NEDD4: variants seen among roughly 807,000 people sequenced by gnomAD.
The protein encoded by NEDD4 is E3 ubiquitin-protein ligase NEDD4.
Under a neutral mutation model 144.9 loss-of-function variants are expected in NEDD4, and 99 were observed. The observed-to-expected ratio is 0.68, with a 90% confidence interval of 0.58 to 0.81. The LOEUF is 0.81. Ranked by LOEUF, NEDD4 falls within the 30% of genes least tolerant of loss-of-function variation. The pLI, the probability that NEDD4 is intolerant of heterozygous loss-of-function variation, is 0.00. For missense variants in NEDD4, 985 were observed against 1,065.9 expected (o/e 0.92, Z 1.06); for synonymous variants, 318 against 350.6 (o/e 0.91, Z 1.04).
At chr15:55,915,860 A>G (rs2036422902) in intron 5 of NEDD4, 1 of 1,613,838 alleles carries the variant, frequency 6.2e-7, no homozygotes, top group African/African-American at 1.3e-5. Flanking sequence ...ACCGAAGTCC[A>G]TTGACAGCTG....
At chr15:55,916,592 A>G in intron 5 of NEDD4, 2 of 1,614,064 alleles carry the variant, frequency 1.2e-6, no homozygotes, top group Non-Finnish European at 1.7e-6. Context: ...TCTTTTTATT[A>G]ACATTTTCAG....
intron 1 of NEDD4, among the ~76,000 whole-genome samples, chr15:55,988,397 C>T (rs71476766): frequency 0.068 from 8,275 of 122,420 alleles, 415 homozygotes; most frequent in Non-Finnish European, 0.097. Context: ...GTGGGTGCAG[C>T]ACACCAGCAT....
At chr15:55,939,989 A>G (rs538955282) in intron 4 of NEDD4, among the ~76,000 whole-genome samples, 1 of 152,342 alleles carries the variant, frequency 6.6e-6, no homozygotes, top group East Asian at 1.9e-4. Context: ...GGATACATTA[A>G]GAAAATGTGA....
intron 5 of NEDD4, among the ~76,000 whole-genome samples, chr15:55,898,791 A>G (rs2035820982): frequency 6.6e-6 from 1 of 151,540 alleles, no homozygotes; most frequent in Non-Finnish European, 1.5e-5. Context: ...GCGCCACCAC[A>G]CCTGGCTAAT....
At chr15:55,939,505 C>T (rs533292174) in intron 4 of NEDD4, among the ~76,000 whole-genome samples, 1 of 151,746 alleles carries the variant, frequency 6.6e-6, no homozygotes, top group Non-Finnish European at 1.5e-5. Context: ...CGGACTAATA[C>T]AAGCAACAAA....
chr15:55,886,223 G>A (rs2035381507), intron 5 of NEDD4, among the ~76,000 whole-genome samples: 1 of 152,172 alleles, frequency 6.6e-6, no homozygotes. Flanking sequence ...GCGATAAAGA[G>A]AGAGACAGAC....
intron 2 of NEDD4, among the ~76,000 whole-genome samples, chr15:55,964,720 TGTG>T (rs1377127571): frequency 6.6e-6 from 1 of 151,258 alleles, no homozygotes; most frequent in Non-Finnish European, 1.5e-5. Flanking sequence ...TGTGTGTGTG[TGTG>T]TGTGTGTCTG....
intron 5 of NEDD4, among the ~76,000 whole-genome samples, chr15:55,918,337 G>T (rs777073695): frequency 2.0e-5 from 3 of 152,014 alleles, no homozygotes; most frequent in Non-Finnish European, 2.9e-5. Flanking sequence ...ATAGACCAAG[G>T]TTGGTATTCT....
At chr15:55,959,009 C>G (rs2037384767) in intron 2 of NEDD4, among the ~76,000 whole-genome samples, 1 of 115,148 alleles carries the variant, frequency 8.7e-6, no homozygotes, top group African/African-American at 3.1e-5. Context: ...TGTCCACTTT[C>G]TCTTTCACTG....
intron 5 of NEDD4, among the ~76,000 whole-genome samples, chr15:55,875,609 C>T (rs536540206): frequency 3.1e-4 from 47 of 151,986 alleles, no homozygotes; most frequent in Non-Finnish European, 6.3e-4. Context: ...TTAGCCACCA[C>T]GGCCGGCCAG....
intron 4 of NEDD4, among the ~76,000 whole-genome samples, chr15:55,938,512 G>T (rs1249117169): frequency 2.0e-5 from 3 of 152,040 alleles, no homozygotes; most frequent in Non-Finnish European, 4.4e-5. Context: ...ACCCATAGAA[G>T]AAAACAGAGA....
chr15:55,978,047 T>A (rs1566976130), intron 1 of NEDD4, among the ~76,000 whole-genome samples: 1 of 152,216 alleles, frequency 6.6e-6, no homozygotes, highest in Non-Finnish European at 1.5e-5. Flanking sequence ...ATAATTTATA[T>A]GACCTTAACT....
chr15:55,827,507 A>G lies in NEDD4; in HGVS notation c.*2390T>C, dbSNP rs958572583. 3 of 152,322 alleles carry G rather than the reference A, an allele frequency of 2.0e-5. No homozygotes were observed. In the East Asian group the frequency reaches 5.8e-4, roughly 29 times the overall value. 9.4% of individuals were successfully genotyped at this position (152,322 alleles called of 1,614,324 possible). A position where few individuals can be genotyped will look rare whatever the true frequency, so the allele number is the denominator to read the frequency against. ...ATCCAAATGAGTATCAGCCAGATAC[A>G]AAGAAAGCTTTGTATTTTCTCATGC... On this transcript the variant is annotated 3_prime_UTR_variant, in exon 29 of 29. Transcript: ENST00000435532.
intron 5 of NEDD4, among the ~76,000 whole-genome samples, chr15:55,892,425 C>T (rs1216703281): frequency 6.6e-6 from 1 of 151,690 alleles, no homozygotes; most frequent in African/African-American, 2.4e-5. Context: ...ACAAGATAGC[C>T]AAGGTTTTCT....
intron 4 of NEDD4, 95 bp from the exon 5 acceptor site, chr15:55,924,794 A>G (rs2142234596): frequency 6.6e-6 from 8 of 1,212,758 alleles, no homozygotes; most frequent in Non-Finnish European, 9.4e-6. Context: ...TTGGTCGGGC[A>G]TGGTGGCTCA....
At chr15:55,874,099 G>A in intron 5 of NEDD4, 91 bp from the exon 6 acceptor site, 1 of 687,082 alleles carries the variant, frequency 1.5e-6, no homozygotes, top group South Asian at 2.3e-5. Flanking sequence ...CACAGAAAAT[G>A]TAGAGTTTTT....
intron 24 of NEDD4, among the ~76,000 whole-genome samples, chr15:55,837,445 AAAAG>A (rs1463622600): frequency 2.0e-5 from 3 of 151,948 alleles, no homozygotes; most frequent in Admixed American, 6.6e-5. Context: ...AAAAAAAAAA[AAAAG>A]AAGAAAGTAA....
intron 5 of NEDD4, among the ~76,000 whole-genome samples, chr15:55,912,022 C>T (rs1341295232): frequency 6.6e-6 from 1 of 152,232 alleles, no homozygotes; most frequent in Non-Finnish European, 1.5e-5. Context: ...CAATTCAGCA[C>T]TCTGAATCTG....
At position 55,960,206 on chromosome 15, in the gene NEDD4, C is replaced by A. The variant is rs182743912; in HGVS notation, c.119+6267G>T. On this transcript the variant is annotated intron_variant, in intron 2 of 28. Transcript: ENST00000435532. ...AATATTGAGTGTCAACTTCATTAGA[C>A]TGAAGGATGCAAAGTATTGTTCCTA... Among the ~76,000 whole-genome samples, 249 of 152,312 alleles carry A rather than the reference C, an allele frequency of 1.6e-3. No individual in the cohort carries two copies. In the East Asian group the frequency reaches 0.021, roughly 13 times the overall value.
Sources: gnomAD v4.1 joint callset for allele counts (sites outside exome capture counted in the v4.1 genomes callset) on GRCh38, gnomAD v4.1.1 for gene constraint, MANE v1.5 for transcripts, NCBI Gene and HGNC (gene_info 2026-07-23, HGNC 2026-07-21) for gene names.